KIF16B: variants seen among roughly 807,000 people sequenced by gnomAD.
KIF16B encodes the protein kinesin family member 16B.
A neutral mutation model predicts 156.3 loss-of-function variants in KIF16B; 98 were observed. The observed-to-expected ratio is 0.63, with a 90% CI of 0.53 to 0.74. The LOEUF (loss-of-function observed/expected upper bound fraction) is 0.74, where lower values mean the gene tolerates loss of function less well. KIF16B is among the 30% of genes least tolerant of loss of function. The pLI, the probability that KIF16B is intolerant of heterozygous loss-of-function variation, is 0.00. For missense variants in KIF16B, 1,421 were observed against 1,606.5 expected, an observed-to-expected ratio of 0.88 and a Z score of 1.97; for synonymous variants, 564 against 583.7, an observed-to-expected ratio of 0.97 and a Z score of 0.49.
intron 1 of KIF16B, among the ~76,000 whole-genome samples, chr20:16,546,652 T>C (rs2070417176): frequency 6.6e-6 from 1 of 152,228 alleles, no homozygotes; most frequent in Admixed American, 6.5e-5. Flanking sequence ...GCTGACTTTG[T>C]AAAAATCTTC....
intron 11 of KIF16B, 139 bp from the exon 12 acceptor site, chr20:16,494,489 C>T: frequency 1.8e-6 from 1 of 570,828 alleles, no homozygotes. Context: ...CCTGAAAGAA[C>T]CATCACCAAA....
At chr20:16,551,561 G>A (rs1040868581) in intron 1 of KIF16B, among the ~76,000 whole-genome samples, 1 of 152,204 alleles carries the variant, frequency 6.6e-6, no homozygotes, top group African/African-American at 2.4e-5. Flanking sequence ...TGAAGAATGA[G>A]GCTGCCAATC....
chr20:16,448,876 C>CAGAGAGAGAGAGAGAGAG (rs138248990), intron 12 of KIF16B, among the ~76,000 whole-genome samples: 4 of 145,360 alleles, frequency 2.8e-5, no homozygotes, highest in African/African-American at 7.7e-5. Context: ...AGAAATATGA[C>CAGAGAGAGAGAGAGAGAG]AGAGAGAGAG....
At chr20:16,351,436 G>A (rs997120633) in intron 23 of KIF16B, among the ~76,000 whole-genome samples, 2 of 152,330 alleles carry the variant, frequency 1.3e-5, no homozygotes, top group East Asian at 3.9e-4. Flanking sequence ...CAGCGTAACT[G>A]ATGCCACGTG....
At chr20:16,357,277 C>T (rs2064462173) in intron 22 of KIF16B, among the ~76,000 whole-genome samples, 1 of 152,108 alleles carries the variant, frequency 6.6e-6, no homozygotes, top group Non-Finnish European at 1.5e-5. Context: ...CTACATTAAC[C>T]AGTTTACATG....
At chr20:16,566,307 C>T (rs540378829) in intron 1 of KIF16B, among the ~76,000 whole-genome samples, 22 of 152,278 alleles carry the variant, frequency 1.4e-4, no homozygotes, top group African/African-American at 4.6e-4. Flanking sequence ...CTCAGTCTTG[C>T]GTCACGGAGT....
chr20:16,568,158 G>GT (rs1233506098), intron 1 of KIF16B, among the ~76,000 whole-genome samples: 1 of 151,676 alleles, frequency 6.6e-6, no homozygotes, highest in East Asian at 1.9e-4. Flanking sequence ...GCCACTGGTG[G>GT]TTTTTTTTCT....
intron 1 of KIF16B, among the ~76,000 whole-genome samples, chr20:16,569,896 T>C (rs2071394304): frequency 6.6e-6 from 1 of 152,244 alleles, no homozygotes; most frequent in Non-Finnish European, 1.5e-5. Context: ...CTTTGCCTAA[T>C]GGATTCATCA....
At chr20:16,505,999 G>A (rs377681979) in intron 8 of KIF16B, 23 bp downstream of exon 8, 2 of 1,612,824 alleles carry the variant, frequency 1.2e-6, no homozygotes, top group Non-Finnish European at 1.7e-6. Flanking sequence ...AACAGAGGAG[G>A]CAGGAGCCAG....
Position 16,410,565 on chromosome 20 carries a change from A to G in KIF16B, c.1613-4109T>C, listed in dbSNP as rs74373524. 7.9e-3 allele frequency among the ~76,000 whole-genome samples: 1,204 copies of G among 152,146 alleles called. 13 individuals carry two copies. Among genetic ancestry groups the G allele is most frequent in the African/African-American group, 0.025 (1,054 of 41,524 alleles). On this transcript the variant is annotated intron_variant, in intron 15 of 25. Coordinates refer to ENST00000354981, the MANE Select transcript of KIF16B (RefSeq NM_024704.5). ...ACACTTATAGAGAGTCCTGAAAGTA[A>G]CTTTATACAATATTTTAAATAATTT...
rs145353662 is a variant in KIF16B, at chr20:16,307,966, C to T, written c.3795+4369G>A. Among the ~76,000 whole-genome samples the T allele has an allele frequency of 1.2e-3, 179 of 152,012 alleles. 3 individuals carry two copies. The East Asian group carries it at 0.026, about 22-fold the overall frequency. ...TTATACATGTATATTTTATATAATA[C>T]GTACAATATTTAAAGCCATAAAAAT... On this transcript the variant is annotated intron_variant, in intron 25 of 25. Coordinates refer to ENST00000354981, the MANE Select transcript of KIF16B (RefSeq NM_024704.5).
chr20:16,370,559 C>A, intron 22 of KIF16B, 27 bp downstream of exon 22: 1 of 1,546,684 alleles, frequency 6.5e-7, no homozygotes, highest in Non-Finnish European at 8.7e-7. Context: ...TAAGGCGACC[C>A]TATCAATCTG....
chr20:16,505,884 G>A (rs547697037), intron 8 of KIF16B, 31 bp from the exon 9 acceptor site: 48 of 1,608,862 alleles, frequency 3.0e-5, no homozygotes, highest in Non-Finnish European at 3.7e-5. Flanking sequence ...AGGGGAGAAA[G>A]GACAATTAGT....
intron 23 of KIF16B, among the ~76,000 whole-genome samples, chr20:16,355,759 T>A (rs2064427853): frequency 6.6e-6 from 1 of 152,114 alleles, no homozygotes; most frequent in East Asian, 1.9e-4. Flanking sequence ...TGAAAAGTTG[T>A]ATAAATCAAG....
At chr20:16,542,167 A>T (rs1029675987) in intron 1 of KIF16B, among the ~76,000 whole-genome samples, 1 of 152,196 alleles carries the variant, frequency 6.6e-6, no homozygotes, top group Admixed American at 6.5e-5. Flanking sequence ...TTTCAGCTGA[A>T]AGGAGAATAG....
chr20:16,560,764 G>A (rs2071026856), intron 1 of KIF16B, among the ~76,000 whole-genome samples: 1 of 151,820 alleles, frequency 6.6e-6, no homozygotes, highest in South Asian at 2.1e-4. Flanking sequence ...AAGCCTGGGT[G>A]ACAAAGTGAG....
chr20:16,381,250 T>C (rs2065086475), intron 18 of KIF16B, among the ~76,000 whole-genome samples: 1 of 152,076 alleles, frequency 6.6e-6, no homozygotes, highest in South Asian at 2.1e-4. Flanking sequence ...AAGCAAATTA[T>C]ACATGGGGAA....
intron 25 of KIF16B, among the ~76,000 whole-genome samples, chr20:16,311,746 GC>G (rs2063622389): frequency 6.6e-6 from 1 of 152,076 alleles, no homozygotes; most frequent in Admixed American, 6.6e-5. Context: ...AACCAAATAA[GC>G]AACTATATCC....
chr20:16,536,162 A>G (rs912313340), intron 1 of KIF16B, among the ~76,000 whole-genome samples: 3 of 152,248 alleles, frequency 2.0e-5, no homozygotes, highest in African/African-American at 7.2e-5. Flanking sequence ...GAGCCATAAA[A>G]AACAATGAAG....
Sources: gnomAD v4.1 joint callset for allele counts (sites outside exome capture counted in the v4.1 genomes callset) on GRCh38, gnomAD v4.1.1 for gene constraint, MANE v1.5 for transcripts, NCBI Gene and HGNC (gene_info 2026-07-23, HGNC 2026-07-21) for gene names.